Variants in CFAP52 observed in about 807,000 individuals in gnomAD.
CFAP52 encodes the protein cilia- and flagella-associated protein 52.
In CFAP52, 57 loss-of-function variants were observed where a neutral mutation model predicts 70.5. The ratio of observed to expected loss-of-function variants is 0.81; its 90% CI spans 0.65 to 1.01. CFAP52 has a LOEUF of 1.01. Among genes scored for constraint, CFAP52 ranks in the 50% least tolerant of loss-of-function variants. The pLI, the probability that CFAP52 is intolerant of heterozygous loss-of-function variation, is 0.00. For synonymous variants in CFAP52, 267 were observed against 292.5 expected, an observed-to-expected ratio of 0.91 and a Z score of 0.89; for missense variants, 785 against 788.5, an observed-to-expected ratio of 1.00 and a Z score of 0.05.
chr17:9,627,649 A>G (rs1910290235), intron 8 of CFAP52, among the ~76,000 whole-genome samples: 3 of 152,222 alleles, frequency 2.0e-5, no homozygotes, highest in Admixed American at 2.0e-4. Flanking sequence ...AAACTCAGGT[A>G]ATATACATTA....
chr17:9,616,135 TGTGCGCGCACC>T (rs1909903180), intron 8 of CFAP52, among the ~76,000 whole-genome samples: 1 of 149,462 alleles, frequency 6.7e-6, no homozygotes, highest in Non-Finnish European at 1.5e-5. Flanking sequence ...CAGGCCAGTG[TGTGCGCGCACC>T]GTGCGCGAGC....
chr17:9,590,316 G>A, intron 3 of CFAP52: 1 of 184,208 alleles, frequency 5.4e-6, no homozygotes. Context: ...GGAATGGACA[G>A]TCACAGGCTT....
At chr17:9,630,985 C>CAA (rs1238713027) in intron 9 of CFAP52, among the ~76,000 whole-genome samples, 3 of 92,714 alleles carry the variant, frequency 3.2e-5, no homozygotes, top group Admixed American at 1.3e-4. Context: ...GACTCCATCT[C>CAA]AAAAAAAAGA....
chr17:9,644,839 G>A (rs1022464296), downstream of CFAP52: 1 of 152,164 alleles, frequency 6.6e-6, no homozygotes, highest in African/African-American at 2.4e-5. Context: ...GCCTCCCTAC[G>A]TTGCGATAAC....
At chr17:9,595,433 C>T (rs564969957) in intron 4 of CFAP52, among the ~76,000 whole-genome samples, 1 of 151,138 alleles carries the variant, frequency 6.6e-6, no homozygotes, top group South Asian at 2.1e-4. Flanking sequence ...AGCTAATTGA[C>T]CGGCACGAAA....
rs1220866105 is a variant in CFAP52, at chr17:9,643,095, G to A, written c.1760G>A (p.Ser587Asn). 7 of 1,613,598 alleles carry A rather than the reference G, an allele frequency of 4.3e-6. No homozygotes were observed. The highest frequency in any genetic ancestry group is 5.9e-6 in the Non-Finnish European group (7 of 1,179,832). ...GTGACTCACGTTGGGGTGGGACACA[G>A]TGGCAACATCACACGCATCCGCATA... is the stretch of plus-strand genomic sequence containing the variant. ...GEVTHVGVGH[S>N]GNITRIRISP... The change falls in exon 14 of 14, where the codon AGT becomes AAT. Residue 587 changes from serine to asparagine, a missense_variant. Physicochemically the swap from Ser to Asn is conservative, Grantham distance 46. Coordinates refer to ENST00000352665, the MANE Select transcript of CFAP52 (RefSeq NM_145054.5).
chr17:9,584,585 C>T (rs1908366919), intron 1 of CFAP52, among the ~76,000 whole-genome samples: 1 of 68,948 alleles, frequency 1.5e-5, no homozygotes. Context: ...TTAAGATCAA[C>T]TCTTTTAGCA....
At position 9,600,089 on chromosome 17, in the gene CFAP52, T is replaced by C; in HGVS notation, c.659T>C (p.Phe220Ser). Residue 220 changes from phenylalanine to serine, a missense_variant, in exon 6 of 14, where the codon TTC becomes TCC. Phe to Ser is a radical substitution (Grantham distance 155). Coordinates refer to ENST00000352665, the MANE Select transcript of CFAP52 (RefSeq NM_145054.5). ...SIGVDDDDSF[F>S]YLGTTTGDIL... is the part of the protein sequence containing the mutation. Reference sequence around the variant, plus strand: ...CAGGTGGATGATGATGATAGCTTTTTCTACCTTGGCACCACGACTGGAGAT... The same window carrying C: ...CAGGTGGATGATGATGATAGCTTTTCCTACCTTGGCACCACGACTGGAGAT... The C allele has an allele frequency of 3.1e-6, 5 of 1,613,810 alleles. No homozygotes were observed. Among genetic ancestry groups the C allele is most frequent in the African/African-American group, 1.3e-5 (1 of 75,000 alleles).
At chr17:9,594,843 T>C (rs571883622) in intron 4 of CFAP52, among the ~76,000 whole-genome samples, 2 of 152,014 alleles carry the variant, frequency 1.3e-5, no homozygotes, top group African/African-American at 4.8e-5. Context: ...AATAAATTAA[T>C]TTACAGATTC....
At chr17:9,600,426 A>G (rs964460312) in intron 6 of CFAP52, among the ~76,000 whole-genome samples, 2 of 151,914 alleles carry the variant, frequency 1.3e-5, no homozygotes, top group African/African-American at 4.8e-5. Flanking sequence ...ATTTTTTAGT[A>G]CAGACAGGGT....
At chr17:9,576,848 G>A in intron 1 of CFAP52, 83 bp downstream of exon 1, 1 of 1,432,156 alleles carries the variant, frequency 7.0e-7, no homozygotes, top group Non-Finnish European at 9.5e-7. Context: ...AGACACCGGG[G>A]ACACCTGAAA....
rs1201113081 is a variant in CFAP52, at chr17:9,598,329, T to C, written c.632T>C (p.Ile211Thr). The C allele has an allele frequency of 1.9e-6, 3 of 1,608,742 alleles. No individual in the cohort carries two copies. In the Admixed American group the frequency reaches 5.1e-5, roughly 27 times the overall value. The change falls in exon 5 of 14, where the codon ATT becomes ACT. Residue 211 changes from isoleucine to threonine, a missense_variant. Coordinates refer to ENST00000352665, the MANE Select transcript of CFAP52 (RefSeq NM_145054.5). ...TGQLKRIVMS[I>T]GVDDDDSFFY... is the part of the protein sequence containing the mutation. The stretch of plus-strand genomic sequence containing the variant: ...CAGTTGAAAAGAATAGTCATGAGTA[T>C]TGGAGTAAGTATTAATTTAAGTATT...
intron 5 of CFAP52, among the ~76,000 whole-genome samples, chr17:9,598,896 C>A (rs1007870087): frequency 6.6e-6 from 1 of 152,106 alleles, no homozygotes; most frequent in African/African-American, 2.4e-5. Flanking sequence ...CGAAAGCCTG[C>A]CTCACCTGGA....
Position 9,598,261 on chromosome 17 carries a change from TC to T in CFAP52, c.565del (p.Leu189PhefsTer16). The T allele has an allele frequency of 6.2e-7, 1 of 1,612,950 alleles. No individual in the cohort carries two copies. The highest frequency in any genetic ancestry group is 8.5e-7 in the Non-Finnish European group (1 of 1,179,748). ...GGACAATTCGAGTATGGGAATTGGA[TC>T]TTCCAAATAGAAAAATCTGGCCAAC... Reference protein sequence around the residue: ...NGTIRVWELDLPNRKIWPTEC... With the variant: ...NGTIRVWELDXPNRKIWPTEC... On this transcript the variant is annotated frameshift_variant, in exon 5 of 14. Coordinates refer to ENST00000352665, the MANE Select transcript of CFAP52 (RefSeq NM_145054.5). LOFTEE classifies it high-confidence loss of function.
At chr17:9,584,120 C>A (rs55862252) in intron 1 of CFAP52, 436,628 of 1,094,568 alleles carry the variant, frequency 0.4, 92,999 homozygotes, top group Non-Finnish European at 0.44. Context: ...CTGTTCTTAC[C>A]AGGCTGGTCA....
In CFAP52 at chr17:9,623,670, T is replaced by TTTTGTTTG. The variant is rs112696029; in HGVS notation, c.1026-4978_1026-4971dup. Reference sequence around the variant, plus strand: ...TCTCTAAAGAACTTTGCTTAGCTTTTTTTGTTTGTTTGTTTGTTTGTTTGT... The same window carrying TTTTGTTTG: ...TCTCTAAAGAACTTTGCTTAGCTTTTTTTGTTTGTTTGTTTGTTTGTTTGTTTGTTTGT... On this transcript the variant is annotated intron_variant, in intron 8 of 13. Transcript: ENST00000352665. 5.7e-3 allele frequency among the ~76,000 whole-genome samples: 867 copies of TTTTGTTTG among 151,050 alleles called. 1 individual carries two copies. The highest frequency in any genetic ancestry group is 0.011 in the African/African-American group (449 of 40,802).
chr17:9,607,830 T>C (rs1442606444), intron 6 of CFAP52, among the ~76,000 whole-genome samples: 1 of 152,188 alleles, frequency 6.6e-6, no homozygotes, highest in Non-Finnish European at 1.5e-5. Flanking sequence ...GGTTACTTCC[T>C]GGCAAGTGAG....
chr17:9,589,732 C>CAAAAA (rs33978485), intron 3 of CFAP52, among the ~76,000 whole-genome samples: 9 of 127,490 alleles, frequency 7.1e-5, no homozygotes, highest in African/African-American at 2.5e-4. Flanking sequence ...GACTCCGTCT[C>CAAAAA]AAAAAAAAAA....
chr17:9,576,967 C>T (rs1033595516), intron 1 of CFAP52, among the ~76,000 whole-genome samples: 4 of 152,204 alleles, frequency 2.6e-5, no homozygotes, highest in African/African-American at 9.6e-5. Flanking sequence ...ATCCAAGCCT[C>T]AGGGAGTGAG....
Sources: allele counts gnomAD v4.1 joint callset (sites outside exome capture counted in the v4.1 genomes callset), GRCh38; gene constraint gnomAD v4.1.1; transcripts MANE v1.5; gene names NCBI Gene and HGNC (gene_info 2026-07-23, HGNC 2026-07-21).